The following CRPPA variants were observed in gnomAD, a reference collection of about 807,000 sequenced individuals.
The protein encoded by CRPPA is D-ribitol-5-phosphate cytidylyltransferase.
A neutral mutation model predicts 52.0 loss-of-function variants in CRPPA; 43 were observed. That is an observed-to-expected ratio of 0.83 (90% CI 0.65 to 1.07). The LOEUF is 1.07. Among genes scored for constraint, CRPPA ranks in the 50% least tolerant of loss-of-function variants. CRPPA has a pLI of 0.00. For synonymous variants in CRPPA, 250 were observed against 203.5 expected, an observed-to-expected ratio of 1.23 and a Z score of -1.94; for missense variants, 629 against 551.7, an observed-to-expected ratio of 1.14 and a Z score of -1.40.
intron 5 of CRPPA, among the ~76,000 whole-genome samples, chr7:16,291,075 G>A (rs1381804237): frequency 6.6e-6 from 1 of 151,830 alleles, no homozygotes; most frequent in Non-Finnish European, 1.5e-5. Context: ...AAAACCACAT[G>A]AGTTATCAAC....
chr7:16,310,062 T>C (rs1180673133), intron 3 of CRPPA, among the ~76,000 whole-genome samples: 1 of 151,960 alleles, frequency 6.6e-6, no homozygotes, highest in Non-Finnish European at 1.5e-5. Flanking sequence ...GTGGAACAAA[T>C]ACAAAGCAAG....
intron 3 of CRPPA, among the ~76,000 whole-genome samples, chr7:16,333,066 A>T (rs1785592809): frequency 6.6e-6 from 1 of 152,192 alleles, no homozygotes; most frequent in African/African-American, 2.4e-5. Context: ...CTCTAAGAAG[A>T]CATAATAATC....
intron 1 of CRPPA, among the ~76,000 whole-genome samples, chr7:16,409,249 C>T (rs1788024903): frequency 6.6e-6 from 1 of 152,154 alleles, no homozygotes. Flanking sequence ...TCCCCCAAAT[C>T]TTCCAGAAGG....
At chr7:16,113,198 G>T (rs929464933) in intron 9 of CRPPA, among the ~76,000 whole-genome samples, 1 of 151,682 alleles carries the variant, frequency 6.6e-6, no homozygotes, top group Non-Finnish European at 1.5e-5. Context: ...AAAGAAAAAA[G>T]AATCTCAAAA....
intron 9 of CRPPA, among the ~76,000 whole-genome samples, chr7:16,184,624 G>C (rs562916687): frequency 2.0e-5 from 3 of 152,104 alleles, no homozygotes; most frequent in Non-Finnish European, 4.4e-5. Flanking sequence ...TAATTCAAAG[G>C]CACATGCTGT....
chr7:16,294,137 T>C (rs1328527583), intron 5 of CRPPA, among the ~76,000 whole-genome samples: 1 of 151,972 alleles, frequency 6.6e-6, no homozygotes, highest in African/African-American at 2.4e-5. Context: ...AGAGAAAAGT[T>C]AGAAGGAAAA....
At chr7:16,321,620 T>C (rs1302491245) in intron 3 of CRPPA, among the ~76,000 whole-genome samples, 2 of 152,086 alleles carry the variant, frequency 1.3e-5, no homozygotes, top group African/African-American at 2.4e-5. Context: ...GATCCAGAAA[T>C]TGTTTTATTA....
At chr7:16,245,721 C>A (rs372315595) in intron 8 of CRPPA, among the ~76,000 whole-genome samples, 1 of 152,000 alleles carries the variant, frequency 6.6e-6, no homozygotes, top group African/African-American at 2.4e-5. Flanking sequence ...ACTACTGGAG[C>A]CAATAAAGCA....
intron 5 of CRPPA, among the ~76,000 whole-genome samples, chr7:16,291,520 T>C (rs1784564398): frequency 6.6e-6 from 1 of 151,642 alleles, no homozygotes; most frequent in Non-Finnish European, 1.5e-5. Context: ...ACTCACATAA[T>C]GAAAGATAAA....
chr7:16,400,864 C>T (rs1300191687), intron 2 of CRPPA, among the ~76,000 whole-genome samples: 1 of 152,184 alleles, frequency 6.6e-6, no homozygotes, highest in African/African-American at 2.4e-5. Flanking sequence ...GTTTTAATTA[C>T]AAAGGATACA....
chr7:16,326,429 TG>T (rs903353501), intron 3 of CRPPA, among the ~76,000 whole-genome samples: 4 of 152,188 alleles, frequency 2.6e-5, no homozygotes, highest in African/African-American at 9.7e-5. Context: ...ATAGATCATC[TG>T]TCCTACAAAG....
chr7:16,195,143 C>T (rs554920358), intron 9 of CRPPA, among the ~76,000 whole-genome samples: 3 of 152,074 alleles, frequency 2.0e-5, no homozygotes, highest in Middle Eastern at 3.4e-3. Context: ...TGCCTTGAAG[C>T]AAAAGTAATT....
At chr7:16,270,643 A>G (rs756627291) in intron 6 of CRPPA, 1 of 152,148 alleles carries the variant, frequency 6.6e-6, no homozygotes, top group Non-Finnish European at 1.5e-5. Flanking sequence ...TCTTGTATAC[A>G]CATGCATGTA....
chr7:16,399,906 A>C (rs1452602057), intron 2 of CRPPA, among the ~76,000 whole-genome samples: 1 of 151,970 alleles, frequency 6.6e-6, no homozygotes, highest in Non-Finnish European at 1.5e-5. Context: ...TATGTGATCA[A>C]CACGTGTGTG....
chr7:16,265,720 C>T (rs1229686737), intron 6 of CRPPA, among the ~76,000 whole-genome samples: 3 of 151,440 alleles, frequency 2.0e-5, no homozygotes, highest in Non-Finnish European at 4.4e-5. Flanking sequence ...TATCCCTTTA[C>T]ATTTAATACA....
chr7:16,359,089 A>C (rs1431285199), intron 3 of CRPPA, among the ~76,000 whole-genome samples: 1 of 152,188 alleles, frequency 6.6e-6, no homozygotes, highest in African/African-American at 2.4e-5. Context: ...TGCTTGCTTT[A>C]ATATTAGTAG....
chr7:16,351,282 C>A (rs1356013399), intron 3 of CRPPA, among the ~76,000 whole-genome samples: 1 of 152,056 alleles, frequency 6.6e-6, no homozygotes, highest in Non-Finnish European at 1.5e-5. Context: ...AAGATTTAAA[C>A]CTAGGTCCTC....
At chr7:16,211,440 C>T (rs1468651676) in intron 9 of CRPPA, among the ~76,000 whole-genome samples, 2 of 152,256 alleles carry the variant, frequency 1.3e-5, no homozygotes, top group South Asian at 2.1e-4. Flanking sequence ...TTTGGTGTTG[C>T]ATGTTTGGTA....
At chr7:16,195,518 G>A (rs1781710934) in intron 9 of CRPPA, among the ~76,000 whole-genome samples, 1 of 152,124 alleles carries the variant, frequency 6.6e-6, no homozygotes, top group Admixed American at 6.5e-5. Context: ...AAGGGCCTCA[G>A]CTTCCCCCAT....
Sources: allele counts gnomAD v4.1 joint callset (sites outside exome capture counted in the v4.1 genomes callset), GRCh38; gene constraint gnomAD v4.1.1; transcripts MANE v1.5; gene names NCBI Gene and HGNC (gene_info 2026-07-23, HGNC 2026-07-21).